Variants in PARD3B observed in about 807,000 individuals in gnomAD.
PARD3B encodes the protein par-3 family cell polarity regulator beta.
Under a neutral mutation model 130.2 loss-of-function variants are expected in PARD3B, and 103 were observed. The ratio of observed to expected loss-of-function variants is 0.79; its 90% CI spans 0.67 to 0.93. The LOEUF (loss-of-function observed/expected upper bound fraction) is 0.93. Among genes scored for constraint, PARD3B ranks in the 40% least tolerant of loss-of-function variants. PARD3B has a pLI of 0.00. For missense variants in PARD3B, 1,609 were observed against 1,499.2 expected, an observed-to-expected ratio of 1.07 and a Z score of -1.21; for synonymous variants, 583 against 553.2, an observed-to-expected ratio of 1.05 and a Z score of -0.76.
At chr2:204,923,665 A>C (rs2047768272) in intron 2 of PARD3B, among the ~76,000 whole-genome samples, 1 of 152,074 alleles carries the variant, frequency 6.6e-6, no homozygotes, top group African/African-American at 2.4e-5. Context: ...GGGATAGAGC[A>C]ATCTTAATTA....
chr2:204,952,142 G>C (rs908328710), intron 2 of PARD3B, among the ~76,000 whole-genome samples: 5 of 152,190 alleles, frequency 3.3e-5, no homozygotes, highest in Non-Finnish European at 7.3e-5. Flanking sequence ...CCCCGTGCTA[G>C]TAATGGACAT....
At chr2:205,355,631 TGG>T (rs2044163894) in intron 18 of PARD3B, among the ~76,000 whole-genome samples, 1 of 152,176 alleles carries the variant, frequency 6.6e-6, no homozygotes, top group African/African-American at 2.4e-5. Flanking sequence ...GAGCCTGCTG[TGG>T]GTGAAGATAT....
Position 205,280,577 on chromosome 2 carries a change from T to C in PARD3B, c.2186-19953T>C, listed in dbSNP as rs1469721739. Reference sequence around the variant, plus strand: ...GTTCTCAGAGAATATCAAATTCCGATGTCAGTTTTGTAAATAAGTATCTGT... The same window carrying C: ...GTTCTCAGAGAATATCAAATTCCGACGTCAGTTTTGTAAATAAGTATCTGT... On this transcript the variant is annotated intron_variant, in intron 16 of 22. Transcript: ENST00000406610. The surrounding 1 kb of genome is among the most constrained non-coding windows in gnomAD (Gnocchi z 4.7). 6.6e-6 allele frequency among the ~76,000 whole-genome samples: 1 copy of C among 152,232 alleles called. No homozygotes were observed. Among genetic ancestry groups the C allele is most frequent in the African/African-American group, 2.4e-5 (1 of 41,470 alleles).
rs936629778 is a variant in PARD3B, at chr2:204,678,039, T to C, written c.121-8142T>C. 6.6e-6 allele frequency among the ~76,000 whole-genome samples: 1 copy of C among 152,232 alleles called. No homozygotes were observed. The highest frequency in any genetic ancestry group is 2.4e-5 in the African/African-American group (1 of 41,454). On this transcript the variant is annotated intron_variant, in intron 1 of 22. Coordinates refer to ENST00000406610, the MANE Select transcript of PARD3B (RefSeq NM_001302769.2). This position sits in a 1 kb window ranked among gnomAD's most constrained non-coding sequence, Gnocchi z 4.2. ...TTATTTTCATTTTTATGTAAATACC[T>C]TGGAAGTATATCACACGTGCAGAAA... is the stretch of plus-strand genomic sequence containing the variant.
intron 18 of PARD3B, among the ~76,000 whole-genome samples, chr2:205,344,170 A>T (rs2043654899): frequency 6.8e-6 from 1 of 147,446 alleles, no homozygotes; most frequent in African/African-American, 2.5e-5. Context: ...CTGAGCTTTG[A>T]AGGTGGGAAA....
chr2:204,834,367 A>G (rs761873171), intron 2 of PARD3B, among the ~76,000 whole-genome samples: 1 of 152,242 alleles, frequency 6.6e-6, no homozygotes, highest in Non-Finnish European at 1.5e-5. Flanking sequence ...TAAGAATATG[A>G]TTGTGATAAT....
intron 2 of PARD3B, among the ~76,000 whole-genome samples, chr2:204,923,981 G>A (rs948013165): frequency 1.3e-5 from 2 of 152,050 alleles, no homozygotes; most frequent in Non-Finnish European, 2.9e-5. Context: ...ATTTGCCTTA[G>A]TGATATAGTA....
At chr2:205,339,506 T>G (rs1172848531) in intron 18 of PARD3B, among the ~76,000 whole-genome samples, 4 of 152,228 alleles carry the variant, frequency 2.6e-5, no homozygotes, top group African/African-American at 9.6e-5. Context: ...CACCTCAAGC[T>G]TACTGAATTA....
At chr2:204,949,096 T>C (rs567765857) in intron 2 of PARD3B, among the ~76,000 whole-genome samples, 1 of 152,340 alleles carries the variant, frequency 6.6e-6, no homozygotes, top group East Asian at 1.9e-4. Flanking sequence ...GATAAAACTA[T>C]TGAAAACAGA....
chr2:204,688,315 C>T (rs566717875), intron 2 of PARD3B, among the ~76,000 whole-genome samples: 4 of 152,212 alleles, frequency 2.6e-5, no homozygotes, highest in African/African-American at 7.2e-5. Context: ...CACGGTGGCT[C>T]ATGCCTGTAA....
chr2:205,313,929 G>A (rs549306768), intron 18 of PARD3B, among the ~76,000 whole-genome samples: 75 of 152,236 alleles, frequency 4.9e-4, no homozygotes, highest in Middle Eastern at 3.4e-3. Context: ...TTAATAAAAT[G>A]CAAAATATTT....
At chr2:205,295,387 A>G (rs559142909) in intron 16 of PARD3B, among the ~76,000 whole-genome samples, 18 of 152,154 alleles carry the variant, frequency 1.2e-4, no homozygotes, top group Non-Finnish European at 2.4e-4. Flanking sequence ...TGGCATTATA[A>G]TAATCTTGAT....
At chr2:205,001,504 A>T (rs908965106) in intron 3 of PARD3B, among the ~76,000 whole-genome samples, 1 of 152,178 alleles carries the variant, frequency 6.6e-6, no homozygotes, top group Non-Finnish European at 1.5e-5. Flanking sequence ...CAATAGCTTT[A>T]CTGGGAGACT....
chr2:205,109,664 T>C (rs939435297), intron 5 of PARD3B, among the ~76,000 whole-genome samples: 3 of 149,844 alleles, frequency 2.0e-5, no homozygotes, highest in Admixed American at 2.0e-4. Context: ...TTTTTTTTTT[T>C]TTTTTTTGAG....
chr2:204,958,247 G>A (rs949571103), intron 2 of PARD3B, among the ~76,000 whole-genome samples: 1 of 152,114 alleles, frequency 6.6e-6, no homozygotes, highest in East Asian at 1.9e-4. Flanking sequence ...AATGCTACAG[G>A]TTGGCAACAG....
chr2:204,764,743 T>TGTGTGTGTG (rs1559126865), intron 2 of PARD3B, among the ~76,000 whole-genome samples: 15 of 151,100 alleles, frequency 9.9e-5, no homozygotes, highest in South Asian at 4.2e-4. Flanking sequence ...TGTGTGTGTG[T>TGTGTGTGTG]AGTTAATTTT....
intron 21 of PARD3B, among the ~76,000 whole-genome samples, chr2:205,521,736 A>G (rs1431476725): frequency 6.6e-6 from 1 of 152,090 alleles, no homozygotes; most frequent in African/African-American, 2.4e-5. Flanking sequence ...AGTGAAATTG[A>G]TAAGTACGTT....
intron 13 of PARD3B, among the ~76,000 whole-genome samples, chr2:205,180,237 T>C (rs1273201202): frequency 6.6e-6 from 1 of 151,368 alleles, no homozygotes; most frequent in Non-Finnish European, 1.5e-5. Flanking sequence ...CACAGACTTA[T>C]TACATTTTCA....
intron 2 of PARD3B, among the ~76,000 whole-genome samples, chr2:204,751,523 C>T (rs777660231): frequency 2.6e-5 from 4 of 152,170 alleles, no homozygotes; most frequent in Non-Finnish European, 5.9e-5. Flanking sequence ...AAACTTCCCT[C>T]CAGATCTGGC....
Sources: allele counts gnomAD v4.1 joint callset (sites outside exome capture counted in the v4.1 genomes callset), GRCh38; gene constraint gnomAD v4.1.1; non-coding constraint Gnocchi (gnomAD v3.1); transcripts MANE v1.5; gene names NCBI Gene and HGNC (gene_info 2026-07-23, HGNC 2026-07-21).